LNP1: variants seen among roughly 807,000 people sequenced by gnomAD.
LNP1 encodes the protein leukemia NUP98 fusion partner 1.
LNP1 carries 12 observed loss-of-function variants against 14.5 expected under a neutral mutation model. That is an observed-to-expected ratio of 0.83 (90% CI 0.53 to 1.34). LNP1 has a LOEUF of 1.34. LNP1 is among the 40% of genes most tolerant of loss of function. The pLI is 0.00. For synonymous variants in LNP1, 75 were observed against 71.4 expected (o/e 1.05, Z -0.26); for missense variants, 198 against 210.9 (o/e 0.94, Z 0.38).
chr3:100,426,182 C>T (rs1025360486), intron 1 of LNP1, among the ~76,000 whole-genome samples: 3 of 152,170 alleles, frequency 2.0e-5, no homozygotes, highest in African/African-American at 4.8e-5. Context: ...AGCCCTTTCC[C>T]GTAGGCATCT....
At chr3:100,423,593 T>C (rs1707165395) in intron 1 of LNP1, among the ~76,000 whole-genome samples, 1 of 152,208 alleles carries the variant, frequency 6.6e-6, no homozygotes, top group South Asian at 2.1e-4. Context: ...TCATTTTCAC[T>C]GATTACCTGG....
intron 1 of LNP1, among the ~76,000 whole-genome samples, chr3:100,424,999 A>G (rs566629151): frequency 6.6e-6 from 1 of 152,340 alleles, no homozygotes; most frequent in Non-Finnish European, 1.5e-5. Context: ...GTTTTGTATT[A>G]ACCTTTTTTA....
intron 2 of LNP1, among the ~76,000 whole-genome samples, chr3:100,447,235 G>A (rs1336769362): frequency 2.0e-5 from 3 of 152,194 alleles, no homozygotes; most frequent in African/African-American, 7.2e-5. Context: ...TTAAGAAAAT[G>A]TGGCACATAT....
At chr3:100,429,345 T>C (rs1707222481) in intron 1 of LNP1, among the ~76,000 whole-genome samples, 1 of 152,146 alleles carries the variant, frequency 6.6e-6, no homozygotes, top group African/African-American at 2.4e-5. Flanking sequence ...TCCATCATCA[T>C]TGACAGCTGG....
rs1427164438 is a variant in LNP1 at position 100,401,635 on chromosome 3, G to A, written c.-838G>A. ...GCCCGAGAAACCAACGGATTAGAAG[G>A]ACTTTTAAAGATGTGTGAGGAAAGA... On this transcript the variant is annotated 5_prime_UTR_variant, in exon 1 of 4. Transcript: ENST00000383693. 2 of 152,446 alleles carry A rather than the reference G, an allele frequency of 1.3e-5. No individual in the cohort carries two copies. The highest frequency in any genetic ancestry group is 4.8e-5 in the African/African-American group (2 of 41,448). The allele number at this position is 152,446 out of a possible 1,614,324, so 9.4% of individuals were successfully genotyped here. A position where few individuals can be genotyped will look rare whatever the true frequency, so the allele number is the denominator to read the frequency against.
At chr3:100,445,555 T>C (rs1707379062) in intron 2 of LNP1, among the ~76,000 whole-genome samples, 2 of 152,228 alleles carry the variant, frequency 1.3e-5, no homozygotes, top group Admixed American at 1.3e-4. Context: ...TTTAAAAGTG[T>C]ATACAGAGAG....
chr3:100,419,723 A>G (rs974751781), intron 1 of LNP1, among the ~76,000 whole-genome samples: 1 of 152,068 alleles, frequency 6.6e-6, no homozygotes, highest in Non-Finnish European at 1.5e-5. Context: ...ATTTCTATTT[A>G]TATGGAATTA....
At position 100,416,594 on chromosome 3, in the gene LNP1, C is replaced by CTT. The variant is rs368866932; in HGVS notation, c.-33-13098_-33-13097dup. The stretch of plus-strand genomic sequence containing the variant: ...GATATAAATAATACCTTGAGTATAT[C>CTT]TTTTTTGTGTGTGTGTGTGTGTGTG... On this transcript the variant is annotated intron_variant, in intron 1 of 3. Coordinates refer to ENST00000383693, the MANE Select transcript of LNP1 (RefSeq NM_001085451.2). Among the ~76,000 whole-genome samples, 794 of 80,302 alleles carry CTT rather than the reference C, an allele frequency of 9.9e-3. 6 individuals carry two copies. Among genetic ancestry groups the CTT allele is most frequent in the Non-Finnish European group, 0.01 (423 of 41,812 alleles). 52.7% of individuals were successfully genotyped at this position (80,302 alleles called of 152,430 possible).
intron 1 of LNP1, among the ~76,000 whole-genome samples, chr3:100,410,246 G>A (rs1007172451): frequency 2.6e-5 from 4 of 152,164 alleles, no homozygotes; most frequent in African/African-American, 9.7e-5. Flanking sequence ...GGGTCAGAAA[G>A]TAAAGAGGAG....
chr3:100,451,469 A>G (rs1707436944), intron 2 of LNP1, among the ~76,000 whole-genome samples: 1 of 152,198 alleles, frequency 6.6e-6, no homozygotes, highest in African/African-American at 2.4e-5. Context: ...GTCTCAATGC[A>G]TGAGATAAAT....
At chr3:100,413,305 CAACTTCCATCAA>C (rs1707048305) in intron 1 of LNP1, among the ~76,000 whole-genome samples, 1 of 152,204 alleles carries the variant, frequency 6.6e-6, no homozygotes, top group Non-Finnish European at 1.5e-5. Flanking sequence ...CTGCATTATT[CAACTTCCATCAA>C]AGCATCAGTT....
At chr3:100,408,823 A>T in intron 1 of LNP1, among the ~76,000 whole-genome samples, 1 of 152,148 alleles carries the variant, frequency 6.6e-6, no homozygotes, top group Admixed American at 6.5e-5. Flanking sequence ...TCTTGGGGGA[A>T]GGGTGACATG....
At chr3:100,441,052 G>C (rs1472897802) in intron 2 of LNP1, among the ~76,000 whole-genome samples, 1 of 152,302 alleles carries the variant, frequency 6.6e-6, no homozygotes, top group East Asian at 1.9e-4. Flanking sequence ...TCAAAGACCA[G>C]TGAGAAAGGA....
chr3:100,411,218 G>A (rs1482328926), intron 1 of LNP1, among the ~76,000 whole-genome samples: 2 of 152,110 alleles, frequency 1.3e-5, no homozygotes, highest in Non-Finnish European at 2.9e-5. Context: ...TTTTGGAGTG[G>A]GACTGTCTAT....
At chr3:100,414,003 T>C (rs1707056503) in intron 1 of LNP1, among the ~76,000 whole-genome samples, 1 of 152,178 alleles carries the variant, frequency 6.6e-6, no homozygotes, top group East Asian at 1.9e-4. Context: ...AGACCCAATT[T>C]TGTCAAATTT....
intron 1 of LNP1, among the ~76,000 whole-genome samples, chr3:100,408,828 G>A (rs1162319123): frequency 6.6e-6 from 1 of 152,154 alleles, no homozygotes; most frequent in African/African-American, 2.4e-5. Context: ...GGGGAAGGGT[G>A]ACATGGGTAA....
intron 1 of LNP1, among the ~76,000 whole-genome samples, chr3:100,406,724 G>A (rs955292733): frequency 1.3e-5 from 2 of 151,952 alleles, no homozygotes; most frequent in African/African-American, 2.4e-5. Context: ...TAGTAGAGAC[G>A]GGGTTTTGCC....
chr3:100,439,369 G>A (rs764150420), intron 2 of LNP1, among the ~76,000 whole-genome samples: 4 of 151,648 alleles, frequency 2.6e-5, no homozygotes, highest in Non-Finnish European at 5.9e-5. Flanking sequence ...CCAATCTTGG[G>A]ATATTGCCCT....
intron 2 of LNP1, among the ~76,000 whole-genome samples, chr3:100,431,471 G>A (rs189492471): frequency 3.7e-4 from 56 of 152,196 alleles, no homozygotes; most frequent in African/African-American, 1.2e-3. Flanking sequence ...GTAATTATTA[G>A]ACTAACATGC....
Sources: allele counts gnomAD v4.1 joint callset (sites outside exome capture counted in the v4.1 genomes callset), GRCh38; gene constraint gnomAD v4.1.1; transcripts MANE v1.5; gene names NCBI Gene and HGNC (gene_info 2026-07-23, HGNC 2026-07-21).